The following CCDC92 variants were observed in gnomAD, a reference collection of about 807,000 sequenced individuals.
The protein encoded by CCDC92 is coiled-coil domain containing 92.
CCDC92 carries 12 observed loss-of-function variants against 24.9 expected under a neutral mutation model. The ratio of observed to expected loss-of-function variants is 0.48; its 90% confidence interval spans 0.31 to 0.78. The LOEUF (loss-of-function observed/expected upper bound fraction) is 0.78, where lower values mean the gene tolerates loss of function less well. Ranked by LOEUF, CCDC92 falls within the 30% of genes least tolerant of loss-of-function variation. The pLI is 0.05. For missense variants in CCDC92, 399 were observed against 439.4 expected, an observed-to-expected ratio of 0.91 and a Z score of 0.82; for synonymous variants, 193 against 196.3, an observed-to-expected ratio of 0.98 and a Z score of 0.14.
intron 1 of CCDC92, among the ~76,000 whole-genome samples, chr12:123,952,011 T>A (rs1316523486): frequency 6.6e-6 from 1 of 152,096 alleles, no homozygotes; most frequent in African/African-American, 2.4e-5. Flanking sequence ...GTGGACAAAC[T>A]CTTGAGATAT....
At chr12:123,965,357 T>C (rs1956367661) in intron 1 of CCDC92, among the ~76,000 whole-genome samples, 1 of 152,196 alleles carries the variant, frequency 6.6e-6, no homozygotes. Context: ...AGAGGAATCT[T>C]GATTCATCTT....
At chr12:123,940,612 C>T (rs969390263) in intron 4 of CCDC92, among the ~76,000 whole-genome samples, 4 of 152,346 alleles carry the variant, frequency 2.6e-5, no homozygotes, top group Middle Eastern at 3.4e-3. Flanking sequence ...CCACCTCCTC[C>T]TCTGTACGTA....
chr12:123,960,079 C>T (rs1241616491), intron 1 of CCDC92, among the ~76,000 whole-genome samples: 1 of 152,168 alleles, frequency 6.6e-6, no homozygotes, highest in Non-Finnish European at 1.5e-5. Flanking sequence ...AGGTAGGTCG[C>T]TTATTTATCT....
intron 1 of CCDC92, chr12:123,966,364 A>C (rs1956392956): frequency 6.6e-6 from 1 of 152,222 alleles, no homozygotes; most frequent in South Asian, 2.1e-4. Flanking sequence ...TCTTCACCTA[A>C]AAAACTGAGT....
intron 1 of CCDC92, among the ~76,000 whole-genome samples, chr12:123,956,016 G>T (rs932587985): frequency 2.0e-5 from 3 of 152,168 alleles, no homozygotes; most frequent in Non-Finnish European, 2.9e-5. Context: ...CAACTTGCCC[G>T]TCTATGAAAG....
At chr12:123,959,704 C>T (rs1566172905) in intron 1 of CCDC92, among the ~76,000 whole-genome samples, 1 of 152,204 alleles carries the variant, frequency 6.6e-6, no homozygotes, top group Non-Finnish European at 1.5e-5. Flanking sequence ...AGAGATGTGA[C>T]CACACTCTTC....
In CCDC92 at chr12:123,937,601, C is replaced by A. The variant is rs761079952; in HGVS notation, c.453G>T (p.Arg151=). ...LTLLSSELEQ[R]ASTIAYLTSQ... ...AGGTCAGGTAGGCGATGGTGCTGGCCCGCTGCTCCAGCTCGCTAGACAGCA... is the reference window on the plus strand; with the variant it reads ...AGGTCAGGTAGGCGATGGTGCTGGCACGCTGCTCCAGCTCGCTAGACAGCA... The change falls in exon 5 of 5, where the codon CGG becomes CGT. Residue 151 remains arginine (R), a synonymous_variant. Coordinates refer to ENST00000238156, the MANE Select transcript of CCDC92 (RefSeq NM_025140.3). This position sits in a 1 kb window ranked among gnomAD's most constrained non-coding sequence, Gnocchi z 8.4. The A allele has an allele frequency of 3.1e-6, 5 of 1,613,596 alleles. No homozygotes were observed. The South Asian group carries it at 5.5e-5, about 18-fold the overall frequency.
chr12:123,959,171 A>C (rs568704915), intron 1 of CCDC92, among the ~76,000 whole-genome samples: 1 of 152,324 alleles, frequency 6.6e-6, no homozygotes, highest in Non-Finnish European at 1.5e-5. Flanking sequence ...TGCAAAATGG[A>C]AAAGCAGTAT....
At chr12:123,938,530 T>C (rs771096236) in intron 4 of CCDC92, among the ~76,000 whole-genome samples, 1 of 151,994 alleles carries the variant, frequency 6.6e-6, no homozygotes, top group Non-Finnish European at 1.5e-5. Flanking sequence ...GCCACCTCCT[T>C]CTCCTGCTCT....
chr12:123,972,145 G>C (rs1362006641), intron 1 of CCDC92: 2 of 152,094 alleles, frequency 1.3e-5, no homozygotes, highest in Non-Finnish European at 2.9e-5. Flanking sequence ...TTGGCACTGG[G>C]GTGGGCGCGC....
At chr12:123,943,889 G>A (rs1488113095) in intron 2 of CCDC92, 3 of 434,014 alleles carry the variant, frequency 6.9e-6, no homozygotes, top group Non-Finnish European at 8.2e-6. Context: ...GGGACCCTTG[G>A]TTCCAAATCC....
chr12:123,961,619 A>C (rs1956273713), intron 1 of CCDC92, among the ~76,000 whole-genome samples: 1 of 152,238 alleles, frequency 6.6e-6, no homozygotes. Context: ...CAATAGAGGC[A>C]AAATCGCCAC....
At chr12:123,946,025 C>CCCCGCCATCCAT in intron 1 of CCDC92, 100 of 156,722 alleles carry the variant, frequency 6.4e-4, no homozygotes, top group East Asian at 9.6e-4. Context: ...TGCTGGCATC[C>CCCCGCCATCCAT]TGCTTTGAAA....
At chr12:123,950,885 C>G (rs2138033291) in intron 1 of CCDC92, among the ~76,000 whole-genome samples, 1 of 152,326 alleles carries the variant, frequency 6.6e-6, no homozygotes, top group Non-Finnish European at 1.5e-5. Flanking sequence ...CACCTTGCAT[C>G]TCTCTGACTT....
At chr12:123,940,877 A>G (rs2137890918) in intron 4 of CCDC92, among the ~76,000 whole-genome samples, 1 of 152,284 alleles carries the variant, frequency 6.6e-6, no homozygotes, top group South Asian at 2.1e-4. Flanking sequence ...TTTTGGGTGC[A>G]CTAATGTAAA....
intron 1 of CCDC92, 42 bp from the exon 2 acceptor site, chr12:123,944,406 G>C: frequency 9.3e-7 from 1 of 1,079,808 alleles, no homozygotes; most frequent in Non-Finnish European, 1.3e-6. Context: ...AATTATTATT[G>C]TAAATACAGA....
intron 1 of CCDC92, chr12:123,966,433 C>G (rs1421142926): frequency 6.6e-6 from 1 of 152,206 alleles, no homozygotes; most frequent in African/African-American, 2.4e-5. Context: ...TGAGAGGAAG[C>G]TGTGTTCTTT....
intron 1 of CCDC92, among the ~76,000 whole-genome samples, chr12:123,971,292 A>T (rs1412807885): frequency 6.6e-6 from 1 of 152,226 alleles, no homozygotes; most frequent in Admixed American, 6.5e-5. Context: ...ATTTCACATA[A>T]GATGAACAGT....
At chr12:123,951,732 C>T (rs1177870921) in intron 1 of CCDC92, among the ~76,000 whole-genome samples, 3 of 152,200 alleles carry the variant, frequency 2.0e-5, no homozygotes, top group Non-Finnish European at 4.4e-5. Flanking sequence ...CTTTCTGTAC[C>T]GCTCTGGTGT....
Sources: gnomAD v4.1 joint callset for allele counts (sites outside exome capture counted in the v4.1 genomes callset) on GRCh38, gnomAD v4.1.1 for gene constraint, Gnocchi (gnomAD v3.1) non-coding constraint, MANE v1.5 for transcripts, NCBI Gene and HGNC (gene_info 2026-07-23, HGNC 2026-07-21) for gene names.